The following TMEM132D variants were observed in gnomAD, a reference collection of about 807,000 sequenced individuals.
TMEM132D encodes mature OL transmembrane protein.
A neutral mutation model predicts 62.3 loss-of-function variants in TMEM132D; 21 were observed. That is an observed-to-expected ratio of 0.34 (90% confidence interval 0.24 to 0.49). The LOEUF is 0.49. Among genes scored for constraint, TMEM132D ranks in the 20% least tolerant of loss-of-function variants. The pLI, the probability that TMEM132D is intolerant of heterozygous loss-of-function variation, is 0.99. For missense variants in TMEM132D, 1,346 were observed against 1,402.8 expected (o/e 0.96, Z 0.65); for synonymous variants, 621 against 575.6 (o/e 1.08, Z -1.13).
intron 2 of TMEM132D, among the ~76,000 whole-genome samples, chr12:129,670,913 G>T (rs772300778): frequency 1.2e-4 from 19 of 152,168 alleles, no homozygotes; most frequent in Non-Finnish European, 2.5e-4. Flanking sequence ...AGAAAGCAGG[G>T]AGGATATACA....
intron 3 of TMEM132D, among the ~76,000 whole-genome samples, chr12:129,446,154 G>C (rs1167931981): frequency 6.6e-6 from 1 of 152,122 alleles, no homozygotes; most frequent in Non-Finnish European, 1.5e-5. Flanking sequence ...TGGATGTAGG[G>C]GGATTTGAGA....
At position 129,220,411 on chromosome 12, in the gene TMEM132D, C is replaced by T. The variant is rs143701033; in HGVS notation, c.1300-10748G>A. Among the ~76,000 whole-genome samples the T allele has an allele frequency of 1.9e-3, 288 of 152,290 alleles. 1 individual carries two copies. The highest frequency in any genetic ancestry group is 3.4e-3 in the Non-Finnish European group (233 of 68,028). On this transcript the variant is annotated intron_variant, in intron 4 of 8. Transcript: ENST00000422113. Reference sequence around the variant, plus strand: ...AGGGACTGGATCGCAAGCCCATATACCCTCACAGACACTTTGCTGCCTTTC... The same window carrying T: ...AGGGACTGGATCGCAAGCCCATATATCCTCACAGACACTTTGCTGCCTTTC...
intron 5 of TMEM132D, among the ~76,000 whole-genome samples, chr12:129,137,078 A>G (rs567091416): frequency 1.3e-4 from 19 of 150,994 alleles, no homozygotes; most frequent in African/African-American, 4.4e-4. Context: ...CACTATCACC[A>G]TCATCATTAC....
At chr12:129,521,854 G>C (rs1179356148) in intron 3 of TMEM132D, 2 of 152,252 alleles carry the variant, frequency 1.3e-5, no homozygotes, top group East Asian at 3.9e-4. Context: ...AGACAGAAGA[G>C]ACCATGGCTT....
At position 129,636,697 on chromosome 12, in the gene TMEM132D, A is replaced by AAT. The variant is rs1879485935; in HGVS notation, c.968+63111_968+63112dup. On this transcript the variant is annotated intron_variant, in intron 2 of 8. Transcript: ENST00000422113. Reference sequence around the variant, plus strand: ...TAATGACCAAGTAAATTCATACAGAAATGTGTGTGTGTGTGTGTGTGTGTG... The same window carrying AAT: ...TAATGACCAAGTAAATTCATACAGAAATATGTGTGTGTGTGTGTGTGTGTGTG... Among the ~76,000 whole-genome samples the AAT allele has an allele frequency of 8.6e-5, 4 of 46,412 alleles. No homozygotes were observed. The East Asian group carries it at 1.9e-3, about 22-fold the overall frequency. 30.4% of individuals were successfully genotyped at this position (46,412 alleles called of 152,430 possible).
chr12:129,083,817 A>C (rs1874527133), intron 6 of TMEM132D, among the ~76,000 whole-genome samples: 1 of 152,206 alleles, frequency 6.6e-6, no homozygotes, highest in African/African-American at 2.4e-5. Context: ...GAAGAGCCTG[A>C]GCTCCTACCA....
rs1881332634 is a variant in TMEM132D at position 129,699,821 on chromosome 12, G to A, written c.957C>T (p.Arg319=). The A allele has an allele frequency of 6.2e-7, 1 of 1,613,918 alleles. No individual in the cohort carries two copies. Among genetic ancestry groups the A allele is most frequent in the South Asian group, 1.1e-5 (1 of 91,080 alleles). The part of the protein sequence containing the change: ...VSISRNSTED[R]FTLRAKVKKG... ...GGGAAACGACTTACCTCAACGTGAA[G>A]CGATCTTCAGTGGAATTTCTGGAGA... The change falls in exon 2 of 9, where the codon CGC becomes CGT. Residue 319 remains arginine (R), a synonymous_variant. Transcript: ENST00000422113.
intron 4 of TMEM132D, among the ~76,000 whole-genome samples, chr12:129,229,926 T>TG (rs1170497353): frequency 2.0e-5 from 3 of 152,212 alleles, no homozygotes; most frequent in Admixed American, 2.0e-4. Flanking sequence ...AGTTTGGCCC[T>TG]GGAATACATT....
intron 1 of TMEM132D, among the ~76,000 whole-genome samples, chr12:129,723,561 C>G (rs1868921027): frequency 6.6e-6 from 1 of 152,202 alleles, no homozygotes; most frequent in Non-Finnish European, 1.5e-5. Flanking sequence ...CCATTGCAGA[C>G]CCCAGAAATC....
intron 2 of TMEM132D, among the ~76,000 whole-genome samples, chr12:129,566,306 T>A (rs1877364932): frequency 6.6e-6 from 1 of 152,114 alleles, no homozygotes; most frequent in South Asian, 2.1e-4. Flanking sequence ...CTACTGTGAT[T>A]TCGAAAGCAT....
intron 4 of TMEM132D, among the ~76,000 whole-genome samples, chr12:129,244,750 C>T (rs1012685300): frequency 2.6e-5 from 4 of 152,046 alleles, no homozygotes; most frequent in Middle Eastern, 3.2e-3. Context: ...AAGTGATTCT[C>T]GTGCCTCAGC....
At chr12:129,578,402 A>G (rs558955773) in intron 2 of TMEM132D, among the ~76,000 whole-genome samples, 1 of 64,566 alleles carries the variant, frequency 1.5e-5, no homozygotes, top group South Asian at 6.4e-4. Context: ...GCTGAGTAAT[A>G]CAATTATGTG....
At chr12:129,168,127 T>A (rs1168104540) in intron 5 of TMEM132D, among the ~76,000 whole-genome samples, 2 of 152,158 alleles carry the variant, frequency 1.3e-5, no homozygotes, top group Admixed American at 1.3e-4. Context: ...GGAAAATGTG[T>A]TCCCTTTTGA....
At chr12:129,541,182 T>C (rs1311121808) in intron 2 of TMEM132D, among the ~76,000 whole-genome samples, 1 of 152,160 alleles carries the variant, frequency 6.6e-6, no homozygotes, top group Admixed American at 6.5e-5. Context: ...ATTACTCATG[T>C]TTCTGAAAAA....
chr12:129,551,763 A>T (rs1365950102), intron 2 of TMEM132D, among the ~76,000 whole-genome samples: 1 of 152,182 alleles, frequency 6.6e-6, no homozygotes, highest in East Asian at 1.9e-4. Flanking sequence ...AAGGTCATAG[A>T]GTTGGGAACC....
chr12:129,264,714 A>G (rs1880640842), intron 4 of TMEM132D, among the ~76,000 whole-genome samples: 1 of 152,244 alleles, frequency 6.6e-6, no homozygotes, highest in Non-Finnish European at 1.5e-5. Context: ...TGGTATATAT[A>G]TGATGGAATA....
At chr12:129,523,959 C>A (rs1253874378) in intron 3 of TMEM132D, among the ~76,000 whole-genome samples, 1 of 152,102 alleles carries the variant, frequency 6.6e-6, no homozygotes, top group Non-Finnish European at 1.5e-5. Flanking sequence ...AGCTCTATTC[C>A]CCACAATGTC....
chr12:129,542,830 A>T (rs949107158), intron 2 of TMEM132D, among the ~76,000 whole-genome samples: 1 of 152,104 alleles, frequency 6.6e-6, no homozygotes, highest in African/African-American at 2.4e-5. Flanking sequence ...TTTTTACTGT[A>T]CCTTTTCTAT....
chr12:129,813,849 C>A (rs532344872), intron 1 of TMEM132D, among the ~76,000 whole-genome samples: 141 of 151,982 alleles, frequency 9.3e-4, no homozygotes, highest in Non-Finnish European at 1.7e-3. Context: ...TCAACAAGGG[C>A]GTCAACACAA....
Sources: allele counts gnomAD v4.1 joint callset (sites outside exome capture counted in the v4.1 genomes callset), GRCh38; gene constraint gnomAD v4.1.1; transcripts MANE v1.5; gene names NCBI Gene and HGNC (gene_info 2026-07-23, HGNC 2026-07-21).